Variants in AIM2 observed in about 807,000 individuals in gnomAD.
AIM2 encodes interferon-inducible protein AIM2.
AIM2 carries 30 observed loss-of-function variants against 27.7 expected under a neutral mutation model. That is an observed-to-expected ratio of 1.08 (90% CI 0.81 to 1.47). The LOEUF (loss-of-function observed/expected upper bound fraction) is 1.47, where lower values mean the gene tolerates loss of function less well. Ranked by LOEUF, AIM2 falls within the 40% of genes most tolerant of loss-of-function variation. The pLI is 0.00. For missense variants in AIM2, 358 were observed against 411.3 expected (o/e 0.87, Z 1.12); for synonymous variants, 141 against 145.3 (o/e 0.97, Z 0.21).
intron 1 of AIM2, among the ~76,000 whole-genome samples, chr1:159,120,151 G>A (rs1647493683): frequency 6.6e-6 from 1 of 151,622 alleles, no homozygotes; most frequent in Admixed American, 6.6e-5. Flanking sequence ...TTATTTATTT[G>A]CTTTATTCTA....
At chr1:159,135,135 G>A (rs992799819) in intron 1 of AIM2, among the ~76,000 whole-genome samples, 3 of 152,002 alleles carry the variant, frequency 2.0e-5, no homozygotes, top group African/African-American at 4.8e-5. Flanking sequence ...ATTGTACCTC[G>A]CTCAGTTCTT....
At chr1:159,058,046 G>C (rs954027904), downstream of AIM2, among the ~76,000 whole-genome samples, 1 of 152,126 alleles carries the variant, frequency 6.6e-6, no homozygotes, top group Non-Finnish European at 1.5e-5. Flanking sequence ...TGGAGTTCTT[G>C]GACCTGTTAG....
chr1:159,085,143 C>T (rs1656876905), intron 1 of AIM2, among the ~76,000 whole-genome samples: 1 of 152,120 alleles, frequency 6.6e-6, no homozygotes, highest in Non-Finnish European at 1.5e-5. Context: ...ATGGAAACTC[C>T]ATGGAGAGCC....
chr1:159,142,849 C>A (rs925733581), upstream of AIM2, among the ~76,000 whole-genome samples: 1 of 152,142 alleles, frequency 6.6e-6, no homozygotes, highest in Admixed American at 6.6e-5. Context: ...GGTTCCCAGA[C>A]ACATGGGAAT....
At chr1:159,070,159 T>G (rs1214576235) in intron 2 of AIM2, among the ~76,000 whole-genome samples, 1 of 145,394 alleles carries the variant, frequency 6.9e-6, no homozygotes, top group Non-Finnish European at 1.5e-5. Flanking sequence ...TTCCTTTCCA[T>G]CAGAACATTT....
At chr1:159,126,656 A>AC (rs1647702572) in intron 1 of AIM2, among the ~76,000 whole-genome samples, 2 of 151,988 alleles carry the variant, frequency 1.3e-5, no homozygotes. Flanking sequence ...CTCAAAAAAA[A>AC]AAAAAAAAAA....
At chr1:159,065,324 G>A (rs1398287297) in intron 4 of AIM2, among the ~76,000 whole-genome samples, 1 of 152,248 alleles carries the variant, frequency 6.6e-6, no homozygotes, top group African/African-American at 2.4e-5. Context: ...CTGCCCGGCC[G>A]CCGTGCAACC....
At chr1:159,072,744 A>C (rs1423491467) in intron 2 of AIM2, among the ~76,000 whole-genome samples, 1 of 152,226 alleles carries the variant, frequency 6.6e-6, no homozygotes, top group Non-Finnish European at 1.5e-5. Flanking sequence ...CTAAAGAAGG[A>C]TAGTCTGGGA....
At chr1:159,066,367 A>G in intron 3 of AIM2, 38 bp from the exon 4 acceptor site, 1 of 1,571,200 alleles carries the variant, frequency 6.4e-7, no homozygotes. Flanking sequence ...CTGTGAGTCA[A>G]AAAGGTACTA....
At chr1:159,136,909 C>G (rs1473362866) in intron 1 of AIM2, among the ~76,000 whole-genome samples, 1 of 152,170 alleles carries the variant, frequency 6.6e-6, no homozygotes, top group African/African-American at 2.4e-5. Flanking sequence ...AACCCTCCAC[C>G]TCTGGTGGTA....
At chr1:159,078,591 T>C (rs1187899768), upstream of AIM2, among the ~76,000 whole-genome samples, 2 of 152,126 alleles carry the variant, frequency 1.3e-5, no homozygotes, top group Admixed American at 6.5e-5. Context: ...TGGGAAGTGG[T>C]CTCAATGAGG....
At chr1:159,102,498 A>G (rs1657338318) in intron 1 of AIM2, among the ~76,000 whole-genome samples, 1 of 152,190 alleles carries the variant, frequency 6.6e-6, no homozygotes, top group Non-Finnish European at 1.5e-5. Flanking sequence ...GTAGATCCAC[A>G]AACAGCTTGC....
intron 1 of AIM2, among the ~76,000 whole-genome samples, chr1:159,104,083 G>T (rs997776960): frequency 6.6e-6 from 1 of 151,912 alleles, no homozygotes; most frequent in Non-Finnish European, 1.5e-5. Flanking sequence ...AGGGAGTATG[G>T]TCTGTATAAA....
At chr1:159,076,476 A>T (rs1014816001) in intron 1 of AIM2, among the ~76,000 whole-genome samples, 157 bp downstream of exon 1, 9 of 152,226 alleles carry the variant, frequency 5.9e-5, no homozygotes, top group African/African-American at 2.2e-4. Context: ...AGTGAATAAA[A>T]GAGAAATGAA....
intron 4 of AIM2, among the ~76,000 whole-genome samples, chr1:159,064,704 A>T (rs953990378): frequency 1.3e-5 from 2 of 152,204 alleles, no homozygotes; most frequent in Admixed American, 6.5e-5. Flanking sequence ...AACTCAGGTG[A>T]TCCATGCGCC....
intron 1 of AIM2, among the ~76,000 whole-genome samples, chr1:159,084,125 A>G (rs1656843236): frequency 1.3e-5 from 2 of 152,240 alleles, no homozygotes; most frequent in Non-Finnish European, 2.9e-5. Flanking sequence ...CATTTGCTCA[A>G]GGGTACCCTG....
At chr1:159,077,336 G>C (rs991152975), upstream of AIM2, among the ~76,000 whole-genome samples, 1 of 152,222 alleles carries the variant, frequency 6.6e-6, no homozygotes. Context: ...TCCCGGAATC[G>C]GGGTGCCACC....
chr1:159,129,389 A>C (rs1647809320), intron 1 of AIM2, among the ~76,000 whole-genome samples: 1 of 152,202 alleles, frequency 6.6e-6, no homozygotes, highest in Non-Finnish European at 1.5e-5. Flanking sequence ...TAAGCTGACA[A>C]CTGCATTTGT....
At chr1:159,072,995 G>A (rs76202470) in intron 2 of AIM2, among the ~76,000 whole-genome samples, 80 of 152,348 alleles carry the variant, frequency 5.3e-4, no homozygotes, top group African/African-American at 1.8e-3. Context: ...ATGTTAAATG[G>A]AAGTGGTAAC....
Sources: gnomAD v4.1 joint callset for allele counts (sites outside exome capture counted in the v4.1 genomes callset) on GRCh38, gnomAD v4.1.1 for gene constraint, MANE v1.5 for transcripts, NCBI Gene and HGNC (gene_info 2026-07-23, HGNC 2026-07-21) for gene names.